GAS2L3: variants seen among roughly 807,000 people sequenced by gnomAD.
The protein encoded by GAS2L3 is growth arrest specific 2 like 3, also known as GAS2-like protein 3.
GAS2L3 carries 28 observed loss-of-function variants against 37.0 expected under a neutral mutation model. The observed-to-expected ratio is 0.76, with a 90% CI of 0.56 to 1.04. The LOEUF (loss-of-function observed/expected upper bound fraction) is 1.04, where lower values mean the gene tolerates loss of function less well. Among genes scored for constraint, GAS2L3 ranks in the 50% least tolerant of loss-of-function variants. The pLI is 0.00. For missense variants in GAS2L3, 793 were observed against 817.6 expected, an observed-to-expected ratio of 0.97 and a Z score of 0.37; for synonymous variants, 290 against 296.6, an observed-to-expected ratio of 0.98 and a Z score of 0.23.
At chr12:100,588,652 C>G (rs1034369702) in intron 1 of GAS2L3, among the ~76,000 whole-genome samples, 1 of 152,080 alleles carries the variant, frequency 6.6e-6, no homozygotes, top group African/African-American at 2.4e-5. Flanking sequence ...CCCTAGTAAG[C>G]CTGAGGGTTC....
In GAS2L3 at chr12:100,598,265, A is replaced by C. The variant is rs1955939844; in HGVS notation, c.19-2117A>C. Among the ~76,000 whole-genome samples, 3 of 152,196 alleles carry C rather than the reference A, an allele frequency of 2.0e-5. No homozygotes were observed. The South Asian group carries it at 6.2e-4, about 32-fold the overall frequency. On this transcript the variant is annotated intron_variant, in intron 3 of 9. Transcript: ENST00000547754. ...GAATTATGTGTTGCATTTAGTTTTC[A>C]TGTCTCTTTAGTTATTAGGCTGGAA...
intron 1 of GAS2L3, among the ~76,000 whole-genome samples, chr12:100,586,938 C>T (rs996417979): frequency 2.6e-5 from 4 of 152,260 alleles, no homozygotes; most frequent in Admixed American, 1.3e-4. Context: ...TTCAAGGCTA[C>T]TATGAACACC....
At chr12:100,611,717 C>T (rs185261079) in intron 5 of GAS2L3, among the ~76,000 whole-genome samples, 1 of 152,234 alleles carries the variant, frequency 6.6e-6, no homozygotes, top group East Asian at 1.9e-4. Flanking sequence ...GCTGATCTGA[C>T]AGGCAGAGCT....
chr12:100,588,249 C>G (rs371418926), intron 1 of GAS2L3, among the ~76,000 whole-genome samples: 3 of 152,144 alleles, frequency 2.0e-5, no homozygotes, highest in African/African-American at 7.2e-5. Flanking sequence ...CCATAAGTGT[C>G]GGCTGACTGA....
intron 5 of GAS2L3, among the ~76,000 whole-genome samples, chr12:100,604,332 G>C (rs1413516930): frequency 6.6e-6 from 1 of 151,520 alleles, no homozygotes; most frequent in Non-Finnish European, 1.5e-5. Flanking sequence ...TTAATTCCTA[G>C]GTATTTAATT....
chr12:100,613,955 G>A (rs1300494263), intron 6 of GAS2L3, among the ~76,000 whole-genome samples: 2 of 152,230 alleles, frequency 1.3e-5, no homozygotes, highest in Middle Eastern at 3.4e-3. Flanking sequence ...TATTGCACAT[G>A]ATTAGGTTAG....
At chr12:100,618,407 T>C (rs752043033) in intron 7 of GAS2L3, 42 bp from the exon 8 acceptor site, 1 of 1,572,316 alleles carries the variant, frequency 6.4e-7, no homozygotes, top group Non-Finnish European at 8.6e-7. Context: ...AAGTACTGGG[T>C]CAACTTTGCT....
intron 1 of GAS2L3, among the ~76,000 whole-genome samples, chr12:100,576,460 T>C (rs1955638310): frequency 6.6e-6 from 1 of 152,226 alleles, no homozygotes; most frequent in Admixed American, 6.5e-5. Context: ...GATATACCAG[T>C]ACATATCTAA....
At chr12:100,597,603 G>A (rs1178767089) in intron 3 of GAS2L3, among the ~76,000 whole-genome samples, 1 of 151,520 alleles carries the variant, frequency 6.6e-6, no homozygotes, top group Admixed American at 6.6e-5. Context: ...TTTTGTCTTT[G>A]ATGGGGTTTT....
chr12:100,583,144 A>G (rs1437135119), intron 1 of GAS2L3, among the ~76,000 whole-genome samples: 1 of 152,236 alleles, frequency 6.6e-6, no homozygotes, highest in Non-Finnish European at 1.5e-5. Context: ...GGAATAAAGA[A>G]TGGCACTCCA....
At chr12:100,616,915 G>T (rs1177414958) in intron 6 of GAS2L3, among the ~76,000 whole-genome samples, 1 of 151,974 alleles carries the variant, frequency 6.6e-6, no homozygotes, top group African/African-American at 2.4e-5. Flanking sequence ...GGGGAGACTT[G>T]CAGTCTTTTA....
Position 100,624,273 on chromosome 12 carries a change from G to A in GAS2L3, c.1468G>A (p.Ala490Thr). 6.2e-7 allele frequency: 1 copy of A among 1,614,018 alleles called. No homozygotes were observed. Among genetic ancestry groups the A allele is most frequent in the Non-Finnish European group, 8.5e-7 (1 of 1,179,988 alleles). ...CAGAGATAATGCAGTATCTCACTTA[G>A]CTGCACATTCAAATTCATCCTCAAA... The part of the protein sequence containing the change: ...SSRDNAVSHL[A>T]AHSNSSSKCP... Residue 490 changes from alanine (A) to threonine (T), a missense_variant, in exon 10 of 10, where the codon GCT (alanine) becomes ACT (threonine). By Grantham distance (58) the Ala-to-Thr change is moderately conservative (BLOSUM62 0). Coordinates refer to ENST00000547754, the MANE Select transcript of GAS2L3 (RefSeq NM_174942.3).
chr12:100,614,333 C>A (rs1312920051), intron 6 of GAS2L3, among the ~76,000 whole-genome samples: 2 of 151,868 alleles, frequency 1.3e-5, no homozygotes, highest in African/African-American at 2.4e-5. Flanking sequence ...CATGGTGGTG[C>A]ACGCCTGTAG....
chr12:100,590,298 C>T lies in GAS2L3; in HGVS notation c.-151-1438C>T, dbSNP rs536158476. ...TCTCAAAAGAAGATATACAAATGGC[C>T]AATAAAAATAAGAAAAAATGCTCAG... is the stretch of plus-strand genomic sequence containing the variant. On this transcript the variant is annotated intron_variant, in intron 1 of 9. Transcript: ENST00000547754. Among the ~76,000 whole-genome samples the T allele has an allele frequency of 4.5e-4, 69 of 152,022 alleles. 1 individual carries two copies. Among genetic ancestry groups the T allele is most frequent in the Admixed American group, 5.2e-4 (8 of 15,256 alleles).
At chr12:100,620,368 T>G (rs940609336) in intron 8 of GAS2L3, among the ~76,000 whole-genome samples, 2 of 152,012 alleles carry the variant, frequency 1.3e-5, no homozygotes, top group African/African-American at 4.8e-5. Flanking sequence ...CCTTTGTAGA[T>G]TATTTTTATT....
At chr12:100,612,420 T>C (rs1398188356) in intron 6 of GAS2L3, 4 of 269,984 alleles carry the variant, frequency 1.5e-5, no homozygotes. Flanking sequence ...GCTTTAGTAA[T>C]TGATATTTTC....
chr12:100,578,714 T>C, intron 1 of GAS2L3: 1 of 458,204 alleles, frequency 2.2e-6, no homozygotes, highest in Non-Finnish European at 4.0e-6. Flanking sequence ...ACTGGGTTGC[T>C]CTAAGAACTG....
intron 3 of GAS2L3, among the ~76,000 whole-genome samples, chr12:100,595,365 T>C (rs1315123018): frequency 6.6e-6 from 1 of 151,698 alleles, no homozygotes; most frequent in African/African-American, 2.4e-5. Context: ...TAAATGCCTG[T>C]ATATGACTGG....
At chr12:100,591,478 A>G (rs1955845978) in intron 1 of GAS2L3, among the ~76,000 whole-genome samples, 1 of 152,154 alleles carries the variant, frequency 6.6e-6, no homozygotes. Flanking sequence ...TTTTACTCTC[A>G]TTTATAACTA....
Sources: allele counts gnomAD v4.1 joint callset (sites outside exome capture counted in the v4.1 genomes callset), GRCh38; gene constraint gnomAD v4.1.1; transcripts MANE v1.5; gene names NCBI Gene and HGNC (gene_info 2026-07-23, HGNC 2026-07-21).